Variants in TPP2 observed in about 807,000 individuals in gnomAD.
TPP2 encodes the protein tripeptidyl-peptidase 2.
In TPP2, 34 loss-of-function variants were observed where a neutral mutation model predicts 155.9. That is an observed-to-expected ratio of 0.22 (90% CI 0.17 to 0.29). The LOEUF (loss-of-function observed/expected upper bound fraction) is 0.29. Among genes scored for constraint, TPP2 ranks in the 10% least tolerant of loss-of-function variants. The pLI is 1.00. For synonymous variants in TPP2, 510 were observed against 529.4 expected (o/e 0.96, Z 0.50); for missense variants, 1,028 against 1,522.3 (o/e 0.68, Z 5.40).
At position 102,678,711 on chromosome 13, in the gene TPP2, GTATGAA is replaced by G. The variant is rs1173893923; in HGVS notation, c.*396_*401del. The G allele has an allele frequency of 6.6e-6, 1 of 152,214 alleles. No homozygotes were observed. The highest frequency in any genetic ancestry group is 1.5e-5 in the Non-Finnish European group (1 of 68,460). 9.4% of individuals were successfully genotyped at this position (152,214 alleles called of 1,614,324 possible). A position where few individuals can be genotyped will look rare whatever the true frequency, so the allele number is the denominator to read the frequency against. On this transcript the variant is annotated 3_prime_UTR_variant, in exon 30 of 30. Transcript: ENST00000376052. ...TGCTCAACTTTAATTTTTTTCAATTGTATGAAGGCCTTAAAAAAGCTACATTAAGCG... is the reference window on the plus strand; with the variant it reads ...TGCTCAACTTTAATTTTTTTCAATTGGGCCTTAAAAAAGCTACATTAAGCG...
chr13:102,643,299 G>A lies in TPP2; in HGVS notation c.2098G>A (p.Ala700Thr), dbSNP rs1882889601. The stretch of plus-strand genomic sequence containing the variant: ...TGCAGTCCAGCTTGTGAAGCAAAGA[G>A]CATATCGAAGCCATGAATTCTATAA... The part of the protein sequence containing the change: ...LHAVQLVKQR[A>T]YRSHEFYKFC... The change falls in exon 17 of 30, where the codon GCA becomes ACA. Residue 700 changes from alanine (A) to threonine (T), a missense_variant. Ala to Thr is a moderately conservative substitution (Grantham distance 58). Around this residue, in one of 7 missense-constraint regions of TPP2, gnomAD observed 325 missense variants for 463.7 expected, o/e 0.70. Transcript: ENST00000376052. 3.7e-6 allele frequency: 6 copies of A among 1,613,332 alleles called. No individual in the cohort carries two copies. Among genetic ancestry groups the A allele is most frequent in the Non-Finnish European group, 5.1e-6 (6 of 1,179,680 alleles).
intron 27 of TPP2, among the ~76,000 whole-genome samples, chr13:102,665,216 G>A (rs1247390385): frequency 6.6e-6 from 1 of 152,142 alleles, no homozygotes; most frequent in African/African-American, 2.4e-5. Flanking sequence ...GAGGGTTTAT[G>A]TGAATTGGAC....
At chr13:102,622,309 CTTCTAAAGTGTTCGGAA>C (rs939496112) in intron 5 of TPP2, among the ~76,000 whole-genome samples, 4 of 152,144 alleles carry the variant, frequency 2.6e-5, no homozygotes, top group Non-Finnish European at 4.4e-5. Flanking sequence ...ATCAGGCTAT[CTTCTAAAGTGTTCGGAA>C]TATAATTTAA....
chr13:102,651,258 C>A, intron 23 of TPP2, 101 bp from the exon 24 acceptor site: 1 of 1,361,304 alleles, frequency 7.3e-7, no homozygotes, highest in Non-Finnish European at 1.0e-6. Context: ...AGTGGTGTAA[C>A]ACAGGTGGAA....
chr13:102,621,023 T>C (rs1881120077), intron 5 of TPP2, among the ~76,000 whole-genome samples: 1 of 152,230 alleles, frequency 6.6e-6, no homozygotes, highest in South Asian at 2.1e-4. Flanking sequence ...GAGCCTCATT[T>C]TGATATCCTT....
rs1885452685 is a variant in TPP2 at position 102,678,792 on chromosome 13, AATTTTT to A, written c.*477_*482del. On this transcript the variant is annotated 3_prime_UTR_variant, in exon 30 of 30. Coordinates refer to ENST00000376052, the MANE Select transcript of TPP2 (RefSeq NM_001330588.2). ...AAAACTAACAGAACTTCATTTCCAG[AATTTTT>A]TTTTTTTTTTTTTTTTTTTGGCAAA... 9.3e-6 allele frequency: 1 copy of A among 107,404 alleles called. No individual in the cohort carries two copies. The highest frequency in any genetic ancestry group is 1.8e-5 in the Non-Finnish European group (1 of 57,078). The allele number at this position is 107,404 out of a possible 1,614,324, so 6.7% of individuals were successfully genotyped here. A position where few individuals can be genotyped will look rare whatever the true frequency, so the allele number is the denominator to read the frequency against.
chr13:102,626,866 T>G, intron 6 of TPP2, 146 bp from the exon 7 acceptor site: 1 of 666,676 alleles, frequency 1.5e-6, no homozygotes, highest in Non-Finnish European at 2.2e-6. Flanking sequence ...AATACTTTCC[T>G]TTGTGACTTG....
At chr13:102,651,475 AC>A (rs1340319337) in intron 24 of TPP2, 78 bp downstream of exon 24, 6 of 1,453,434 alleles carry the variant, frequency 4.1e-6, no homozygotes, top group Non-Finnish European at 5.6e-6. Flanking sequence ...ACTATTATAA[AC>A]CTTTTTTTTA....
At chr13:102,662,966 A>G (rs934550125) in intron 25 of TPP2, among the ~76,000 whole-genome samples, 1 of 152,034 alleles carries the variant, frequency 6.6e-6, no homozygotes. Context: ...TAGATCTGAG[A>G]CATTTTTAAA....
chr13:102,601,074 T>G (rs918221616), intron 1 of TPP2, among the ~76,000 whole-genome samples: 17 of 152,056 alleles, frequency 1.1e-4, no homozygotes, highest in African/African-American at 3.9e-4. Context: ...AATTTTTTTG[T>G]AGAGACAGGG....
chr13:102,635,510 T>C, intron 11 of TPP2, 77 bp from the exon 12 acceptor site: 1 of 992,274 alleles, frequency 1.0e-6, no homozygotes, highest in Non-Finnish European at 1.6e-6. Context: ...GGTCTACAGG[T>C]GATCGATCAT....
Position 102,657,052 on chromosome 13 carries a change from G to A in TPP2, c.2992-4G>A, listed in dbSNP as rs180818466. ...AATCTAAGAATCTCTCTCCACATTC[G>A]TAGGATGTAATCCCTGTTCATTACT... is the stretch of plus-strand genomic sequence containing the variant. On this transcript the variant is annotated splice_region_variant and splice_polypyrimidine_tract_variant and intron_variant, in intron 24 of 29. Transcript: ENST00000376052. The A allele has an allele frequency of 5.1e-6, 8 of 1,579,550 alleles. No homozygotes were observed. The highest frequency in any genetic ancestry group is 2.8e-5 in the African/African-American group (2 of 72,700).
intron 20 of TPP2, 62 bp downstream of exon 20, chr13:102,646,452 A>G: frequency 7.6e-7 from 1 of 1,314,060 alleles, no homozygotes; most frequent in Non-Finnish European, 1.1e-6. Flanking sequence ...TTTATGATTC[A>G]TAGAATCAAA....
chr13:102,632,612 G>C (rs1395700251), intron 10 of TPP2, among the ~76,000 whole-genome samples: 1 of 152,124 alleles, frequency 6.6e-6, no homozygotes, highest in African/African-American at 2.4e-5. Context: ...CAAGCTAGTG[G>C]AAAATTAATA....
In TPP2 at chr13:102,634,031, G is replaced by A. The variant is rs764676334; in HGVS notation, c.1326G>A (p.Thr442=). ...ASVPNWTLRG[T]QLMNGTSMSS... The stretch of plus-strand genomic sequence containing the variant: ...TTCCTAACTGGACACTGAGAGGGAC[G>A]CAGCTGATGAATGGAACATCTATGT... The change falls in exon 11 of 30, where the codon ACG becomes ACA. Residue 442 remains threonine (T), a synonymous_variant. Coordinates refer to ENST00000376052, the MANE Select transcript of TPP2 (RefSeq NM_001330588.2). The A allele has an allele frequency of 1.4e-5, 23 of 1,613,960 alleles. No homozygotes were observed. Among genetic ancestry groups the A allele is most frequent in the Middle Eastern group, 1.6e-4 (1 of 6,084 alleles).
chr13:102,636,954 C>T, intron 13 of TPP2, 128 bp from the exon 14 acceptor site: 1 of 822,552 alleles, frequency 1.2e-6, no homozygotes, highest in Non-Finnish European at 1.8e-6. Context: ...TTTATTTAAG[C>T]TGTGTTTTGG....
rs933659059 is a variant in TPP2, at chr13:102,643,365, T to C, written c.2164T>C (p.Phe722Leu). 4.4e-6 allele frequency: 7 copies of C among 1,605,452 alleles called. No individual in the cohort carries two copies. The Admixed American group carries it at 5.2e-5, about 12-fold the overall frequency. ...LPEKGTLTEAFPVLGGKAIEF... is the reference protein window; with the variant it reads ...LPEKGTLTEALPVLGGKAIEF... ...AGAGAAAGGAACACTGACTGAAGCTTTTCCTGTCCTAGTAAGTTTAATTAT... is the reference window on the plus strand; with the variant it reads ...AGAGAAAGGAACACTGACTGAAGCTCTTCCTGTCCTAGTAAGTTTAATTAT... The change falls in exon 17 of 30, where the codon TTT becomes CTT. Residue 722 changes from phenylalanine to leucine, a missense_variant. Around this residue, in one of 7 missense-constraint regions of TPP2, gnomAD observed 325 missense variants for 463.7 expected, o/e 0.70. Coordinates refer to ENST00000376052, the MANE Select transcript of TPP2 (RefSeq NM_001330588.2).
At chr13:102,647,436 T>A (rs778387485) in intron 21 of TPP2, 92 bp downstream of exon 21, 27 of 1,429,740 alleles carry the variant, frequency 1.9e-5, no homozygotes, top group East Asian at 7.4e-5. Context: ...GTTCATACTT[T>A]AAAAAAAACA....
intron 21 of TPP2, among the ~76,000 whole-genome samples, chr13:102,648,256 T>A (rs897199811): frequency 6.6e-6 from 1 of 152,196 alleles, no homozygotes; most frequent in African/African-American, 2.4e-5. Flanking sequence ...GGCACATGCC[T>A]GTGATCCCGT....
Sources: allele counts gnomAD v4.1 joint callset (sites outside exome capture counted in the v4.1 genomes callset), GRCh38; gene constraint gnomAD v4.1.1; regional missense constraint gnomAD v4.1.1; transcripts MANE v1.5; gene names NCBI Gene and HGNC (gene_info 2026-07-23, HGNC 2026-07-21).